The following BDP1 variants were observed in gnomAD, a reference collection of about 807,000 sequenced individuals.
BDP1 encodes the protein transcription factor TFIIIB component B'' homolog.
A neutral mutation model predicts 266.6 loss-of-function variants in BDP1; 169 were observed. The observed-to-expected ratio is 0.63, with a 90% CI of 0.56 to 0.72. The LOEUF is 0.72. BDP1 is among the 30% of genes least tolerant of loss of function. The pLI is 0.00. For synonymous variants in BDP1, 1,090 were observed against 1,022.4 expected (o/e 1.07, Z -1.26); for missense variants, 3,015 against 3,053.8 (o/e 0.99, Z 0.30).
intron 7 of BDP1, among the ~76,000 whole-genome samples, chr5:71,480,860 C>T (rs148862684): frequency 5.3e-5 from 8 of 152,262 alleles, no homozygotes; most frequent in Non-Finnish European, 1.2e-4. Context: ...CCACCATGCC[C>T]GGCCAACCGT....
chr5:71,525,691 C>G (rs1283319024), intron 25 of BDP1, among the ~76,000 whole-genome samples: 4 of 135,900 alleles, frequency 2.9e-5, no homozygotes, highest in African/African-American at 1.1e-4. Context: ...GGGGGGCTGA[C>G]CCCCCACCTC....
At chr5:71,524,671 GTTTCTCGCAGAGGGGGA>G (rs1765687788) in intron 25 of BDP1, among the ~76,000 whole-genome samples, 2 of 145,340 alleles carry the variant, frequency 1.4e-5, no homozygotes, top group Non-Finnish European at 3.0e-5. Flanking sequence ...ATTCTTGGGT[GTTTCTCGCAGAGGGGGA>G]TTTGGCAGGG....
intron 35 of BDP1, among the ~76,000 whole-genome samples, chr5:71,556,569 T>C (rs1368478585): frequency 1.3e-5 from 2 of 152,212 alleles, no homozygotes; most frequent in African/African-American, 4.8e-5. Context: ...TCAGATCATC[T>C]TTGCATTCCT....
intron 19 of BDP1, among the ~76,000 whole-genome samples, chr5:71,514,560 A>G (rs1316953601): frequency 6.6e-6 from 1 of 152,192 alleles, no homozygotes; most frequent in Non-Finnish European, 1.5e-5. Context: ...TTTTCCACTT[A>G]CAGTATTGTG....
At chr5:71,512,477 T>A (rs1245128795) in intron 18 of BDP1, 49 bp downstream of exon 18, 1 of 1,225,742 alleles carries the variant, frequency 8.2e-7, no homozygotes, top group Non-Finnish European at 1.1e-6. Context: ...AGTTGCAGAT[T>A]ACGTTAAACT....
chr5:71,545,307 C>T (rs1742203022), intron 32 of BDP1, 88 bp downstream of exon 32: 1 of 1,168,266 alleles, frequency 8.6e-7, no homozygotes, highest in Middle Eastern at 2.0e-4. Flanking sequence ...CAATAAACTT[C>T]ACCTCTTTTA....
intron 10 of BDP1, 99 bp downstream of exon 10, chr5:71,489,781 TG>T: frequency 2.6e-5 from 26 of 1,004,750 alleles, no homozygotes; most frequent in South Asian, 3.3e-5. Flanking sequence ...TAGCAATTAA[TG>T]ATGCTTATTA....
At chr5:71,504,212 G>A (rs546940566) in intron 15 of BDP1, among the ~76,000 whole-genome samples, 31 of 150,136 alleles carry the variant, frequency 2.1e-4, no homozygotes, top group African/African-American at 7.6e-4. Context: ...GGCAGAGCTT[G>A]CAGTGAGCCG....
In BDP1 at chr5:71,562,527, G is replaced by A; in HGVS notation, c.7743+7G>A. The A allele has an allele frequency of 6.2e-7, 1 of 1,612,312 alleles. No homozygotes were observed. The highest frequency in any genetic ancestry group is 1.1e-5 in the South Asian group (1 of 90,912). On this transcript the variant is annotated splice_region_variant and intron_variant, in intron 38 of 38. Coordinates refer to ENST00000358731, the MANE Select transcript of BDP1 (RefSeq NM_018429.3). ...TAGCAGCTCAGCAACTCAGGTATGT[G>A]ATAACTACTGTATTTTATAGTTTGT...
downstream of BDP1, among the ~76,000 whole-genome samples, chr5:71,568,284 C>G (rs939587647): frequency 3.3e-5 from 5 of 152,206 alleles, no homozygotes; most frequent in Non-Finnish European, 7.3e-5. Flanking sequence ...CATCCTGAAT[C>G]TGCTGGAGAG....
intron 7 of BDP1, 75 bp downstream of exon 7, chr5:71,470,564 C>A: frequency 3.1e-6 from 3 of 959,918 alleles, no homozygotes; most frequent in South Asian, 1.5e-5. Context: ...TATTCGCTTA[C>A]CTTTGGTTTA....
At chr5:71,492,406 A>G (rs1289180903) in intron 11 of BDP1, among the ~76,000 whole-genome samples, 1 of 152,132 alleles carries the variant, frequency 6.6e-6, no homozygotes, top group African/African-American at 2.4e-5. Context: ...AATACTTGTT[A>G]TCTTTTATTT....
In BDP1 at chr5:71,564,858, C is replaced by A. The variant is rs755935161; in HGVS notation, c.7848C>A (p.Ile2616=). 2 of 1,608,212 alleles carry A rather than the reference C, an allele frequency of 1.2e-6. No individual in the cohort carries two copies. The highest frequency in any genetic ancestry group is 3.4e-5 in the Admixed American group (2 of 59,140). Residue 2616 remains isoleucine, a synonymous_variant, in exon 39 of 39, where the codon ATC becomes ATA. Coordinates refer to ENST00000358731, the MANE Select transcript of BDP1 (RefSeq NM_018429.3). The part of the protein sequence containing the change: ...TTVSEYFFND[I]FIEVDETE ...TCTCTGAATATTTCTTCAATGATATCTTCATTGAAGTGGATGAAACAGAAT... is the reference window on the plus strand; with the variant it reads ...TCTCTGAATATTTCTTCAATGATATATTCATTGAAGTGGATGAAACAGAAT...
rs77051247 is a variant in BDP1, at chr5:71,477,400, C to T, written c.1015-6442C>T. Among the ~76,000 whole-genome samples the T allele has an allele frequency of 1.0e-2, 1,522 of 152,218 alleles. 17 individuals are homozygous for T. Among genetic ancestry groups the T allele is most frequent in the African/African-American group, 0.034 (1,433 of 41,544 alleles). On this transcript the variant is annotated intron_variant, in intron 7 of 38. Coordinates refer to ENST00000358731, the MANE Select transcript of BDP1 (RefSeq NM_018429.3). ...CTAGGCTCAAGCAATCCTCCTGCTT[C>T]AGCCTCTCAAAGTGCTGGCGTTACA... is the stretch of plus-strand genomic sequence containing the variant.
intron 26 of BDP1, among the ~76,000 whole-genome samples, chr5:71,536,351 T>C (rs1766595851): frequency 6.6e-6 from 1 of 152,236 alleles, no homozygotes; most frequent in African/African-American, 2.4e-5. Flanking sequence ...GTTGATAAAC[T>C]GTTACATACT....
chr5:71,477,739 G>C (rs980666052), intron 7 of BDP1, among the ~76,000 whole-genome samples: 1 of 151,212 alleles, frequency 6.6e-6, no homozygotes, highest in Non-Finnish European at 1.5e-5. Context: ...TTCCATCTCA[G>C]CATCCCAAGT....
chr5:71,474,424 G>GCAAT (rs1762461618), intron 7 of BDP1, among the ~76,000 whole-genome samples: 1 of 151,674 alleles, frequency 6.6e-6, no homozygotes. Flanking sequence ...CCAGGCTCAA[G>GCAAT]CAATCCCCTG....
chr5:71,469,667 G>T (rs770800636), intron 6 of BDP1, among the ~76,000 whole-genome samples: 45 of 151,872 alleles, frequency 3.0e-4, no homozygotes, highest in Non-Finnish European at 5.3e-4. Flanking sequence ...AGGCTGGAGT[G>T]CAGTGGCGCC....
chr5:71,499,838 C>T (rs1479276092), intron 13 of BDP1, among the ~76,000 whole-genome samples: 1 of 152,090 alleles, frequency 6.6e-6, no homozygotes, highest in Admixed American at 6.5e-5. Context: ...AAGGCTTTCT[C>T]AAGGAAACAA....
Sources: allele counts gnomAD v4.1 joint callset (sites outside exome capture counted in the v4.1 genomes callset), GRCh38; gene constraint gnomAD v4.1.1; transcripts MANE v1.5; gene names NCBI Gene and HGNC (gene_info 2026-07-23, HGNC 2026-07-21).